The following CHST7 variants were observed in gnomAD, a reference collection of about 807,000 sequenced individuals.
CHST7 encodes N-acetylglucosamine 6-O-sulfotransferase 4.
A neutral mutation model predicts 9.0 loss-of-function variants in CHST7; 5 were observed. That is an observed-to-expected ratio of 0.56 (90% CI 0.29 to 1.17). CHST7 has a LOEUF of 1.17. Ranked by LOEUF, CHST7 falls within the 50% of genes most tolerant of loss-of-function variation. The pLI, the probability that CHST7 is intolerant of heterozygous loss-of-function variation, is 0.08. For synonymous variants in CHST7, 244 were observed against 237.1 expected, an observed-to-expected ratio of 1.03 and a Z score of -0.27; for missense variants, 377 against 485.1, an observed-to-expected ratio of 0.78 and a Z score of 2.09.
At position 46,579,137 on chromosome X, in the gene CHST7, T is replaced by C. The variant is rs200386779; in HGVS notation, c.*31+3714T>C. On this transcript the variant is annotated intron_variant, in intron 1 of 1. Transcript: ENST00000276055. ...GGCTGCCACCGGAACAAGATCAGGATGGGGAATAAAGGGCTGTTGATGAGC... is the reference window on the plus strand; with the variant it reads ...GGCTGCCACCGGAACAAGATCAGGACGGGGAATAAAGGGCTGTTGATGAGC... 1.7e-4 allele frequency among the ~76,000 whole-genome samples: 19 copies of C among 110,924 alleles called. No individual in the cohort carries two copies. In the East Asian group the frequency reaches 5.4e-3, roughly 32 times the overall value.
intron 1 of CHST7, among the ~76,000 whole-genome samples, chrX:46,583,057 C>T (rs1289411816): frequency 3.7e-5 from 4 of 108,824 alleles, no homozygotes; most frequent in African/African-American, 1.3e-4. Context: ...GCTGGTTTAA[C>T]ATTCTTCAGT....
chrX:46,575,435 C>T lies in CHST7; in HGVS notation c.*31+12C>T. 9.9e-7 allele frequency: 1 copy of T among 1,006,120 alleles called. No individual in the cohort carries two copies. The highest frequency in any genetic ancestry group is 1.3e-6 in the Non-Finnish European group (1 of 797,386). 82.9% of individuals were successfully genotyped at this position (1,006,120 alleles called of 1,213,427 possible). The stretch of plus-strand genomic sequence containing the variant: ...CGGCACGGATCCGGGTAAGGTGGCC[C>T]GGGGCAAGGCAGGGACCGGGACTGG... On this transcript the variant is annotated intron_variant, in intron 1 of 1. Coordinates refer to ENST00000276055, the MANE Select transcript of CHST7 (RefSeq NM_019886.4).
At chrX:46,582,680 T>C (rs1431397020) in intron 1 of CHST7, among the ~76,000 whole-genome samples, 1 of 112,121 alleles carries the variant, frequency 8.9e-6, no homozygotes, top group East Asian at 2.8e-4. Context: ...CTTTAGAAAA[T>C]CACACTTCGA....
intron 1 of CHST7, among the ~76,000 whole-genome samples, chrX:46,580,058 A>AT (rs56904751): frequency 2.4e-3 from 211 of 89,370 alleles, no homozygotes; most frequent in South Asian, 7.0e-3. Context: ...AAGAATGGGC[A>AT]TTTTTTTTTT....
chrX:46,587,702 C>G (rs1032939121), intron 1 of CHST7, among the ~76,000 whole-genome samples: 1 of 112,196 alleles, frequency 8.9e-6, no homozygotes, highest in Non-Finnish European at 1.9e-5. Flanking sequence ...TAAGCAGCTC[C>G]CTTAAAAAAC....
intron 1 of CHST7, among the ~76,000 whole-genome samples, chrX:46,589,204 T>C (rs1942562522): frequency 9.0e-6 from 1 of 111,609 alleles, no homozygotes; most frequent in Non-Finnish European, 1.9e-5. Context: ...ATTTCATTGC[T>C]CCCTATGAAC....
rs1327432033 is a variant in CHST7, at chrX:46,574,957, C to G, written c.1026C>G (p.Thr342=). Residue 342 remains threonine (T), a synonymous_variant, in exon 1 of 2, where the codon ACC becomes ACG. Transcript: ENST00000276055. ...PAAPRADFFL[T]GALEVICEAW... is the part of the protein sequence containing the mutation. ...CGCCGCGCGCCGATTTCTTCCTGAC[C>G]GGTGCGCTCGAGGTGATCTGCGAAG... 3 of 1,159,201 alleles carry G rather than the reference C, an allele frequency of 2.6e-6. No individual in the cohort carries two copies. The highest frequency in any genetic ancestry group is 1.9e-5 in the South Asian group (1 of 51,832).
At chrX:46,576,820 C>G (rs1411407660) in intron 1 of CHST7, among the ~76,000 whole-genome samples, 1 of 112,494 alleles carries the variant, frequency 8.9e-6, no homozygotes, top group African/African-American at 3.2e-5. Context: ...ACCAGGGTTT[C>G]AGAGTGATTT....
chrX:46,596,588 T>C (rs1294598664), intron 1 of CHST7, among the ~76,000 whole-genome samples: 1 of 111,529 alleles, frequency 9.0e-6, no homozygotes, highest in African/African-American at 3.3e-5. Context: ...CCCTTCTGCA[T>C]TTGGGGGTCA....
At position 46,580,614 on chromosome X, in the gene CHST7, C is replaced by T. The variant is rs367627443; in HGVS notation, c.*31+5191C>T. 2.0e-4 allele frequency among the ~76,000 whole-genome samples: 22 copies of T among 111,352 alleles called. No homozygotes were observed. The East Asian group carries it at 2.6e-3, about 13-fold the overall frequency. ...TTGCTCCTTGTGAGGTTAATGCTAC[C>T]TTTGATCAAGGCACTCGGAGCTCCC... On this transcript the variant is annotated intron_variant, in intron 1 of 1. Coordinates refer to ENST00000276055, the MANE Select transcript of CHST7 (RefSeq NM_019886.4).
At chrX:46,592,689 G>A (rs898974934) in intron 1 of CHST7, among the ~76,000 whole-genome samples, 1 of 111,203 alleles carries the variant, frequency 9.0e-6, no homozygotes, top group Non-Finnish European at 1.9e-5. Flanking sequence ...TCTTTTCAAA[G>A]TACCAGCTTT....
At chrX:46,580,419 T>A (rs1942519527) in intron 1 of CHST7, among the ~76,000 whole-genome samples, 1 of 111,649 alleles carries the variant, frequency 9.0e-6, no homozygotes, top group Admixed American at 9.5e-5. Flanking sequence ...AAAATTATCT[T>A]CAGACTCCTA....
chrX:46,575,700 T>C (rs929147824), intron 1 of CHST7, among the ~76,000 whole-genome samples: 1 of 112,125 alleles, frequency 8.9e-6, no homozygotes, highest in Non-Finnish European at 1.9e-5. Flanking sequence ...CATTCCCCTG[T>C]ATGAAGTAGG....
chrX:46,597,737 G>T (rs1452895579), intron 1 of CHST7, 23 bp from the exon 2 acceptor site: 1 of 112,892 alleles, frequency 8.9e-6, no homozygotes, highest in Non-Finnish European at 1.9e-5. Flanking sequence ...AAGTTCAGAC[G>T]TCCTTTGTTC....
Position 46,573,805 on chromosome X carries a change from C to G in CHST7, c.-127C>G, listed in dbSNP as rs1386012040. On this transcript the variant is annotated 5_prime_UTR_variant, in exon 1 of 2. Coordinates refer to ENST00000276055, the MANE Select transcript of CHST7 (RefSeq NM_019886.4). ...TTCCAAGTTTCCCCTTGTGGATGCGCGGCCCCGCGGCTCTGCTCCTCCCGG... is the reference window on the plus strand; with the variant it reads ...TTCCAAGTTTCCCCTTGTGGATGCGGGGCCCCGCGGCTCTGCTCCTCCCGG... The G allele has an allele frequency of 4.0e-6, 4 of 999,445 alleles. No homozygotes were observed. Among genetic ancestry groups the G allele is most frequent in the Non-Finnish European group, 5.2e-6 (4 of 766,437 alleles). The allele number at this position is 999,445 out of a possible 1,213,427, so 82.4% of individuals were successfully genotyped here.
chrX:46,574,634 C>G lies in CHST7; in HGVS notation c.703C>G (p.Arg235Gly). 1 of 1,207,883 alleles carries G rather than the reference C, an allele frequency of 8.3e-7. No homozygotes were observed. The highest frequency in any genetic ancestry group is 1.1e-6 in the Non-Finnish European group (1 of 893,699). ...GCGCAGCTGCCCACCCGTGGCGATA[C>G]GCGCCCTGGAGGCCGAGTGCCGAAA... ...CERSCPPVAI[R>G]ALEAECRKYP... The change falls in exon 1 of 2, where the codon CGC becomes GGC. Residue 235 changes from arginine (R) to glycine (G), a missense_variant. Transcript: ENST00000276055.
Position 46,574,634 on chromosome X carries a change from C to A in CHST7, c.703C>A (p.Arg235Ser), listed in dbSNP as rs1244338654. ...GCGCAGCTGCCCACCCGTGGCGATA[C>A]GCGCCCTGGAGGCCGAGTGCCGAAA... ...CERSCPPVAI[R>S]ALEAECRKYP... The change falls in exon 1 of 2, where the codon CGC becomes AGC. Residue 235 changes from arginine to serine, a missense_variant. Physicochemically the swap from Arg to Ser is moderately radical, Grantham distance 110. This residue lies in a region of CHST7 where 239 missense variants were observed against 325.7 expected (regional missense o/e 0.73). Coordinates refer to ENST00000276055, the MANE Select transcript of CHST7 (RefSeq NM_019886.4). 1.7e-6 allele frequency: 2 copies of A among 1,207,883 alleles called. No homozygotes were observed. Among genetic ancestry groups the A allele is most frequent in the Admixed American group, 4.4e-5 (2 of 45,846 alleles).
chrX:46,593,913 T>G (rs750710423), intron 1 of CHST7, among the ~76,000 whole-genome samples: 2 of 112,211 alleles, frequency 1.8e-5, no homozygotes, highest in African/African-American at 3.2e-5. Flanking sequence ...TCCTTTATCC[T>G]GCCCCTTAAA....
intron 1 of CHST7, among the ~76,000 whole-genome samples, chrX:46,588,021 T>C (rs1476613516): frequency 8.9e-6 from 1 of 111,816 alleles, no homozygotes; most frequent in Non-Finnish European, 1.9e-5. Flanking sequence ...CAGGACTTGC[T>C]GAATACTCGG....
Sources: allele counts gnomAD v4.1 joint callset (sites outside exome capture counted in the v4.1 genomes callset), GRCh38; gene constraint gnomAD v4.1.1; regional missense constraint gnomAD v4.1.1; transcripts MANE v1.5; gene names NCBI Gene and HGNC (gene_info 2026-07-23, HGNC 2026-07-21).